The following SHANK2 variants were observed in gnomAD, a reference collection of about 807,000 sequenced individuals.
The protein encoded by SHANK2 is SH3 and multiple ankyrin repeat domains 2.
Under a neutral mutation model 133.7 loss-of-function variants are expected in SHANK2, and 43 were observed. The observed-to-expected ratio is 0.32, with a 90% CI of 0.25 to 0.41. The LOEUF (loss-of-function observed/expected upper bound fraction) is 0.41. Ranked by LOEUF, SHANK2 falls within the 10% of genes least tolerant of loss-of-function variation. The pLI is 1.00. For synonymous variants in SHANK2, 1,017 were observed against 952.8 expected (o/e 1.07, Z -1.24); for missense variants, 1,994 against 2,235.8 (o/e 0.89, Z 2.18).
intron 11 of SHANK2, among the ~76,000 whole-genome samples, chr11:70,851,611 G>A (rs1055590257): frequency 3.3e-5 from 5 of 152,172 alleles, no homozygotes; most frequent in South Asian, 2.1e-4. Context: ...AAGAACATGC[G>A]TCTCAGACAC....
chr11:71,216,666 A>C (rs1172055621), intron 2 of SHANK2, among the ~76,000 whole-genome samples: 1 of 152,160 alleles, frequency 6.6e-6, no homozygotes, highest in Non-Finnish European at 1.5e-5. Context: ...TAAGATTGCA[A>C]TGGAGCTGAA....
chr11:70,727,751 G>C (rs1946205420), intron 14 of SHANK2, among the ~76,000 whole-genome samples: 1 of 152,196 alleles, frequency 6.6e-6, no homozygotes, highest in Non-Finnish European at 1.5e-5. Flanking sequence ...CAAGGTCCCG[G>C]GTTGGGGGCC....
At chr11:70,741,023 T>C (rs1946511922) in intron 14 of SHANK2, among the ~76,000 whole-genome samples, 1 of 152,184 alleles carries the variant, frequency 6.6e-6, no homozygotes, top group Admixed American at 6.5e-5. Context: ...TAACTGTTCA[T>C]CCATTCAACT....
intron 14 of SHANK2, among the ~76,000 whole-genome samples, chr11:70,787,075 G>A (rs1432830737): frequency 1.6e-5 from 2 of 122,834 alleles, no homozygotes; most frequent in Non-Finnish European, 3.4e-5. Flanking sequence ...TCAGCACCAT[G>A]ACCACCACCA....
chr11:70,540,597 G>A (rs375861927), intron 17 of SHANK2, among the ~76,000 whole-genome samples: 6 of 152,046 alleles, frequency 3.9e-5, no homozygotes, highest in African/African-American at 1.2e-4. Flanking sequence ...AACCCACCCC[G>A]TCAGCCCCAC....
At chr11:70,950,632 G>A (rs1435349220) in intron 10 of SHANK2, among the ~76,000 whole-genome samples, 2 of 151,142 alleles carry the variant, frequency 1.3e-5, no homozygotes, top group African/African-American at 4.9e-5. Context: ...TTCTCAGACA[G>A]GATCTCGCTC....
chr11:70,506,320 G>T (rs2059136932), intron 17 of SHANK2, among the ~76,000 whole-genome samples: 1 of 152,208 alleles, frequency 6.6e-6, no homozygotes, highest in Non-Finnish European at 1.5e-5. Flanking sequence ...AGAAGCTGCT[G>T]TTCCCACCCA....
intron 11 of SHANK2, among the ~76,000 whole-genome samples, chr11:70,883,799 A>G (rs609388): frequency 0.98 from 149,830 of 152,326 alleles, 73,732 homozygotes; most frequent in East Asian, 1. Context: ...AAAGCCAGGC[A>G]GGGCTGGGGA....
intron 17 of SHANK2, among the ~76,000 whole-genome samples, chr11:70,658,424 C>T (rs1354655659): frequency 3.9e-5 from 6 of 152,176 alleles, no homozygotes; most frequent in African/African-American, 7.2e-5. Flanking sequence ...AAAGCCACAG[C>T]GGGCTCCAAT....
intron 14 of SHANK2, among the ~76,000 whole-genome samples, chr11:70,774,715 A>C (rs1223344585): frequency 6.6e-6 from 1 of 152,224 alleles, no homozygotes; most frequent in African/African-American, 2.4e-5. Context: ...ATATGCAAAA[A>C]GCCACTTAAT....
chr11:70,793,060 G>GA, intron 14 of SHANK2, among the ~76,000 whole-genome samples: 1 of 152,042 alleles, frequency 6.6e-6, no homozygotes. Flanking sequence ...TGACTCAAAA[G>GA]AAAAAAGTGA....
At chr11:70,578,586 C>A (rs1282014589) in intron 17 of SHANK2, among the ~76,000 whole-genome samples, 4 of 152,196 alleles carry the variant, frequency 2.6e-5, no homozygotes, top group Non-Finnish European at 4.4e-5. Flanking sequence ...GTGGAGTAGA[C>A]AGCGTGTCCC....
At chr11:70,821,404 G>A (rs1555055921) in intron 11 of SHANK2, among the ~76,000 whole-genome samples, 5 of 152,122 alleles carry the variant, frequency 3.3e-5, no homozygotes. Context: ...ACTGGGAGGT[G>A]TAAATATCTG....
At chr11:70,551,962 AC>A (rs2059775692) in intron 17 of SHANK2, among the ~76,000 whole-genome samples, 1 of 152,210 alleles carries the variant, frequency 6.6e-6, no homozygotes, top group Non-Finnish European at 1.5e-5. Flanking sequence ...AGCCCGAGGC[AC>A]GGGGGAGCCC....
chr11:71,100,532 T>A (rs1590911275), intron 6 of SHANK2, among the ~76,000 whole-genome samples: 1 of 152,196 alleles, frequency 6.6e-6, no homozygotes, highest in South Asian at 2.1e-4. Flanking sequence ...CTGCATGCTG[T>A]GTGATTCCAA....
chr11:70,634,694 C>T (rs1482379862), intron 17 of SHANK2: 4 of 152,242 alleles, frequency 2.6e-5, no homozygotes, highest in Non-Finnish European at 5.9e-5. Context: ...AACCCCATCT[C>T]CACTAAAATT....
At chr11:71,120,461 C>T (rs1555101257) in intron 3 of SHANK2, among the ~76,000 whole-genome samples, 1 of 152,114 alleles carries the variant, frequency 6.6e-6, no homozygotes, top group Non-Finnish European at 1.5e-5. Flanking sequence ...CAAGACAGCC[C>T]GAGGGTAAGT....
chr11:70,781,558 T>TTATATATATATATCTATA (rs1947492327), intron 14 of SHANK2, among the ~76,000 whole-genome samples: 1 of 28,970 alleles, frequency 3.5e-5, no homozygotes, highest in African/African-American at 1.0e-4. Context: ...TACTTACTTA[T>TTATATATATATATCTATA]TATATATATA....
chr11:71,058,337 T>C (rs1950946298), intron 9 of SHANK2, among the ~76,000 whole-genome samples: 1 of 152,126 alleles, frequency 6.6e-6, no homozygotes, highest in Non-Finnish European at 1.5e-5. Flanking sequence ...TAACTACTAA[T>C]AAAAAGGCAG....
Sources: gnomAD v4.1 joint callset for allele counts (sites outside exome capture counted in the v4.1 genomes callset) on GRCh38, gnomAD v4.1.1 for gene constraint, MANE v1.5 for transcripts, NCBI Gene and HGNC (gene_info 2026-07-23, HGNC 2026-07-21) for gene names.